Variants in ZNRF1 observed in about 807,000 individuals in gnomAD.
The protein encoded by ZNRF1 is zinc and ring finger 1.
In ZNRF1, 3 loss-of-function variants were observed where a neutral mutation model predicts 18.4. The ratio of observed to expected loss-of-function variants is 0.16; its 90% CI spans 0.07 to 0.42. The LOEUF (loss-of-function observed/expected upper bound fraction) is 0.42. Ranked by LOEUF, ZNRF1 falls within the 10% of genes least tolerant of loss-of-function variation. The pLI, the probability that ZNRF1 is intolerant of heterozygous loss-of-function variation, is 0.99. For synonymous variants in ZNRF1, 157 were observed against 144.2 expected, an observed-to-expected ratio of 1.09 and a Z score of -0.64; for missense variants, 310 against 329.8, an observed-to-expected ratio of 0.94 and a Z score of 0.47.
intron 1 of ZNRF1, among the ~76,000 whole-genome samples, chr16:75,062,071 T>C (rs1005607842): frequency 2.0e-5 from 3 of 152,236 alleles, no homozygotes; most frequent in Admixed American, 2.0e-4. Flanking sequence ...ATGTTCTCGT[T>C]GTTATGCTAC....
At chr16:75,092,666 A>G (rs1281599068) in intron 1 of ZNRF1, among the ~76,000 whole-genome samples, 1 of 152,250 alleles carries the variant, frequency 6.6e-6, no homozygotes, top group Non-Finnish European at 1.5e-5. Context: ...AAAATTCTCC[A>G]GTATGGGTAC....
chr16:75,108,762 G>GC lies in ZNRF1; in HGVS notation c.*1063dup. On this transcript the variant is annotated 3_prime_UTR_variant, in exon 5 of 5. Transcript: ENST00000335325. ...AGTGTTATACAATCAAGAAATGGGG[G>GC]CAAGGGCCTGCCCCCCACTCCCTCA... The GC allele has an allele frequency of 2.6e-6, 1 of 381,668 alleles. No homozygotes were observed. The highest frequency in any genetic ancestry group is 4.6e-6 in the Non-Finnish European group (1 of 216,734). The allele number at this position is 381,668 out of a possible 1,614,324, so 23.6% of individuals were successfully genotyped here. A position where few individuals can be genotyped will look rare whatever the true frequency, so the allele number is the denominator to read the frequency against.
At chr16:75,077,636 T>G (rs376352323) in intron 1 of ZNRF1, among the ~76,000 whole-genome samples, 1 of 152,234 alleles carries the variant, frequency 6.6e-6, no homozygotes, top group African/African-American at 2.4e-5. Context: ...TCCACAAATT[T>G]GACAACACAA....
chr16:75,003,205 G>C (rs2034875649), intron 1 of ZNRF1, among the ~76,000 whole-genome samples: 2 of 152,192 alleles, frequency 1.3e-5, no homozygotes, highest in Admixed American at 1.3e-4. Context: ...CAGGTGATCT[G>C]CCTGACCCGG....
At chr16:75,093,209 A>AC (rs879688357) in intron 1 of ZNRF1, among the ~76,000 whole-genome samples, 2 of 152,044 alleles carry the variant, frequency 1.3e-5, no homozygotes, top group Non-Finnish European at 2.9e-5. Context: ...CCATAGTGAA[A>AC]CCCCCTCTCT....
chr16:75,002,901 C>A (rs963001863), intron 1 of ZNRF1, among the ~76,000 whole-genome samples: 47 of 152,232 alleles, frequency 3.1e-4, no homozygotes, highest in African/African-American at 1.1e-3. Context: ...TTAGAGACCA[C>A]TCTTAAAAAT....
intron 2 of ZNRF1, chr16:75,104,529 AC>A (rs1365398398): frequency 1.8e-5 from 6 of 326,430 alleles, no homozygotes; most frequent in Non-Finnish European, 2.9e-5. Context: ...GTCCGCTGTC[AC>A]CTAGGCTTTT....
At chr16:75,049,799 C>T (rs9934268) in intron 1 of ZNRF1, among the ~76,000 whole-genome samples, 46,733 of 151,566 alleles carry the variant, frequency 0.31, 8,216 homozygotes, top group East Asian at 0.61. Context: ...CTGTTAGTAC[C>T]ATCCATAGAC....
chr16:75,067,005 G>C (rs948225950), intron 1 of ZNRF1, among the ~76,000 whole-genome samples: 1 of 152,152 alleles, frequency 6.6e-6, no homozygotes, highest in Non-Finnish European at 1.5e-5. Flanking sequence ...CCTCTCTTGA[G>C]GTTGCAGTCA....
At chr16:75,065,668 T>C (rs7196593) in intron 1 of ZNRF1, among the ~76,000 whole-genome samples, 8,008 of 152,276 alleles carry the variant, frequency 0.053, 644 homozygotes, top group African/African-American at 0.18. Flanking sequence ...CACTCAGAAA[T>C]GTATCCTTCC....
intron 1 of ZNRF1, among the ~76,000 whole-genome samples, chr16:75,035,716 C>T (rs1211294016): frequency 2.6e-5 from 4 of 152,172 alleles, no homozygotes; most frequent in Non-Finnish European, 4.4e-5. Context: ...ACTTCTCCCT[C>T]GATTCTTCTC....
chr16:75,044,487 A>G (rs1333197469), intron 1 of ZNRF1, among the ~76,000 whole-genome samples: 2 of 151,904 alleles, frequency 1.3e-5, no homozygotes, highest in Admixed American at 6.6e-5. Context: ...TCGGCCTCCA[A>G]AAGTGCTGGG....
intron 1 of ZNRF1, among the ~76,000 whole-genome samples, chr16:75,040,298 A>T (rs1215129779): frequency 6.6e-6 from 1 of 151,890 alleles, no homozygotes. Context: ...TCTGCCACCT[A>T]GGCTGGAGTA....
intron 1 of ZNRF1, among the ~76,000 whole-genome samples, chr16:75,030,833 C>CTTTTTTTTTTTTTTTT (rs59468839): frequency 3.3e-5 from 3 of 91,380 alleles, no homozygotes; most frequent in Non-Finnish European, 4.4e-5. Flanking sequence ...CACTTTATTC[C>CTTTTTTTTTTTTTTTT]TTTTTTTTTT....
chr16:75,064,993 T>C (rs1173433239), intron 1 of ZNRF1, among the ~76,000 whole-genome samples: 1 of 152,200 alleles, frequency 6.6e-6, no homozygotes, highest in Non-Finnish European at 1.5e-5. Flanking sequence ...GAATGTAGAA[T>C]GGGTGTATCT....
At chr16:75,068,657 C>G (rs937768470) in intron 1 of ZNRF1, among the ~76,000 whole-genome samples, 1 of 152,064 alleles carries the variant, frequency 6.6e-6, no homozygotes, top group African/African-American at 2.4e-5. Flanking sequence ...GCCTCCGAGA[C>G]CAGCTGCTGC....
At chr16:75,007,553 C>T (rs1465124599) in intron 1 of ZNRF1, among the ~76,000 whole-genome samples, 1 of 152,126 alleles carries the variant, frequency 6.6e-6, no homozygotes, top group Non-Finnish European at 1.5e-5. Context: ...CCTCTTGGAT[C>T]TGTAACAAGA....
At chr16:75,073,118 A>ATCTCTCTCTCTC (rs374451771) in intron 1 of ZNRF1, among the ~76,000 whole-genome samples, 54 of 128,424 alleles carry the variant, frequency 4.2e-4, no homozygotes, top group Non-Finnish European at 5.8e-4. Flanking sequence ...GTGAGACCCC[A>ATCTCTCTCTCTC]TCTCTCTCTC....
intron 1 of ZNRF1, among the ~76,000 whole-genome samples, chr16:75,069,814 A>G (rs978954030): frequency 6.6e-6 from 1 of 152,116 alleles, no homozygotes; most frequent in Non-Finnish European, 1.5e-5. Context: ...AGCTATCTCC[A>G]CTTACATGTT....
Sources: allele counts gnomAD v4.1 joint callset (sites outside exome capture counted in the v4.1 genomes callset), GRCh38; gene constraint gnomAD v4.1.1; transcripts MANE v1.5; gene names NCBI Gene and HGNC (gene_info 2026-07-23, HGNC 2026-07-21).